Variants in MOXD1 observed in about 807,000 individuals in gnomAD.
MOXD1 encodes the protein DBH-like monooxygenase protein 1.
In MOXD1, 62 loss-of-function variants were observed where a neutral mutation model predicts 66.6. The observed-to-expected ratio is 0.93, with a 90% confidence interval of 0.76 to 1.15. The LOEUF (loss-of-function observed/expected upper bound fraction) is 1.15. Among genes scored for constraint, MOXD1 ranks in the 50% most tolerant of loss-of-function variants. MOXD1 has a pLI of 0.00. For synonymous variants in MOXD1, 303 were observed against 281.9 expected (o/e 1.07, Z -0.75); for missense variants, 847 against 754.6 (o/e 1.12, Z -1.44).
intron 1 of MOXD1, among the ~76,000 whole-genome samples, chr6:132,399,868 T>G (rs1337703090): frequency 6.6e-6 from 1 of 152,202 alleles, no homozygotes; most frequent in Non-Finnish European, 1.5e-5. Flanking sequence ...GGCCTGCATT[T>G]GTGGTCAAAT....
intron 4 of MOXD1, among the ~76,000 whole-genome samples, chr6:132,336,108 G>T (rs944536916): frequency 6.6e-6 from 1 of 152,112 alleles, no homozygotes; most frequent in South Asian, 2.1e-4. Flanking sequence ...ATGAGAGGAC[G>T]AGTGGAACAC....
In MOXD1 at chr6:132,359,305, T is replaced by C. The variant is rs573686593; in HGVS notation, c.663+13303A>G. Among the ~76,000 whole-genome samples, 47 of 152,110 alleles carry C rather than the reference T, an allele frequency of 3.1e-4. No individual in the cohort carries two copies. The South Asian group carries it at 6.9e-3, about 22-fold the overall frequency. On this transcript the variant is annotated intron_variant, in intron 4 of 11. Coordinates refer to ENST00000367963, the MANE Select transcript of MOXD1 (RefSeq NM_015529.4). ...CTTTAGAGACAAGAACTCCCTCCAT[T>C]ACCCAGGGTGGTCTCGAATTCTCCT... is the stretch of plus-strand genomic sequence containing the variant.
intron 4 of MOXD1, among the ~76,000 whole-genome samples, chr6:132,331,309 T>A (rs762901595): frequency 6.6e-6 from 1 of 152,326 alleles, no homozygotes; most frequent in Non-Finnish European, 1.5e-5. Flanking sequence ...TACTGAGCTC[T>A]GTAAGGTAGA....
rs1775139055 is a variant in MOXD1 at position 132,324,104 on chromosome 6, C to T, written c.947-7G>A. The T allele has an allele frequency of 6.2e-7, 1 of 1,607,494 alleles. No homozygotes were observed. The highest frequency in any genetic ancestry group is 8.5e-7 in the Non-Finnish European group (1 of 1,177,472). On this transcript the variant is annotated splice_region_variant and splice_polypyrimidine_tract_variant and intron_variant, in intron 6 of 11. Transcript: ENST00000367963. ...CCAGAATTATCTATTAAGCCTAGAA[C>T]AAAAGCACATAATTAAAGTGATTTT...
intron 4 of MOXD1, among the ~76,000 whole-genome samples, chr6:132,369,064 T>C (rs1380048827): frequency 2.6e-5 from 4 of 152,106 alleles, no homozygotes; most frequent in Non-Finnish European, 5.9e-5. Context: ...TGATGCGAGA[T>C]GATACAATCC....
chr6:132,331,813 T>C (rs1237620340), intron 4 of MOXD1, among the ~76,000 whole-genome samples: 2 of 152,112 alleles, frequency 1.3e-5, no homozygotes, highest in South Asian at 2.1e-4. Flanking sequence ...CTACACATTA[T>C]TGTAGGAAGC....
intron 4 of MOXD1, among the ~76,000 whole-genome samples, chr6:132,334,274 C>G: frequency 6.6e-6 from 1 of 152,202 alleles, no homozygotes; most frequent in Non-Finnish European, 1.5e-5. Flanking sequence ...TATACTGCAT[C>G]CCACTTCAGC....
chr6:132,396,249 T>C (rs542620158), intron 1 of MOXD1, among the ~76,000 whole-genome samples: 1 of 152,002 alleles, frequency 6.6e-6, no homozygotes, highest in African/African-American at 2.4e-5. Flanking sequence ...CTTTGGAAAC[T>C]GCACAAATAC....
chr6:132,340,636 T>C (rs1775533940), intron 4 of MOXD1, among the ~76,000 whole-genome samples: 3 of 114,904 alleles, frequency 2.6e-5, no homozygotes, highest in South Asian at 2.9e-4. Flanking sequence ...ACAACAAGAC[T>C]CATTTTTTTT....
At chr6:132,314,376 T>C (rs1774895539) in intron 10 of MOXD1, among the ~76,000 whole-genome samples, 1 of 152,230 alleles carries the variant, frequency 6.6e-6, no homozygotes, top group Admixed American at 6.5e-5. Flanking sequence ...TGATATTCCT[T>C]CCAGTCTAGC....
chr6:132,368,586 A>C (rs1776194740), intron 4 of MOXD1, among the ~76,000 whole-genome samples: 1 of 152,078 alleles, frequency 6.6e-6, no homozygotes, highest in Non-Finnish European at 1.5e-5. Context: ...AGATAAAATC[A>C]TTTATGTTTA....
chr6:132,362,373 C>G lies in MOXD1; in HGVS notation c.663+10235G>C, dbSNP rs1417780784. ...CTTCTCAGTTATACAGATTTATAGT[C>G]TTTGAGTTGTTATTAACATGAATTT... On this transcript the variant is annotated intron_variant, in intron 4 of 11. Transcript: ENST00000367963. Among the ~76,000 whole-genome samples the G allele has an allele frequency of 5.3e-5, 8 of 152,132 alleles. No individual in the cohort carries two copies. In the South Asian group the frequency reaches 1.7e-3, roughly 32 times the overall value.
At chr6:132,370,436 GTTTT>G (rs1395019983) in intron 4 of MOXD1, among the ~76,000 whole-genome samples, 1 of 151,912 alleles carries the variant, frequency 6.6e-6, no homozygotes, top group Admixed American at 6.6e-5. Flanking sequence ...TTTCAGTAGA[GTTTT>G]CTTTATTTTT....
intron 10 of MOXD1, among the ~76,000 whole-genome samples, chr6:132,309,125 C>G (rs1346010369): frequency 6.6e-6 from 1 of 152,128 alleles, no homozygotes; most frequent in East Asian, 1.9e-4. Flanking sequence ...AAAACCCCAT[C>G]ATCTCAGCCC....
Position 132,391,489 on chromosome 6 carries a change from G to T in MOXD1, c.264+9674C>A, listed in dbSNP as rs577790936. On this transcript the variant is annotated intron_variant, in intron 1 of 11. Coordinates refer to ENST00000367963, the MANE Select transcript of MOXD1 (RefSeq NM_015529.4). Reference sequence around the variant, plus strand: ...AAGTTAAAAAGAAATAGATTTAGAAGAAGCTTCCTGGAGAAATGTTTTTCC... The same window carrying T: ...AAGTTAAAAAGAAATAGATTTAGAATAAGCTTCCTGGAGAAATGTTTTTCC... The T allele has an allele frequency of 2.6e-5, 4 of 152,108 alleles. No individual in the cohort carries two copies. In the South Asian group the frequency reaches 8.3e-4, roughly 32 times the overall value. 9.4% of individuals were successfully genotyped at this position (152,108 alleles called of 1,614,324 possible). A position where few individuals can be genotyped will look rare whatever the true frequency, so the allele number is the denominator to read the frequency against.
At chr6:132,355,276 C>A (rs545391401) in intron 4 of MOXD1, among the ~76,000 whole-genome samples, 43 of 152,180 alleles carry the variant, frequency 2.8e-4, no homozygotes, top group African/African-American at 1.0e-3. Context: ...CCTGTGGTAC[C>A]AAGCAGGGAT....
chr6:132,318,166 T>C (rs1774998859), intron 9 of MOXD1, among the ~76,000 whole-genome samples: 1 of 152,046 alleles, frequency 6.6e-6, no homozygotes, highest in Non-Finnish European at 1.5e-5. Context: ...TATGAATAGT[T>C]TACATATTTC....
At chr6:132,344,579 C>A (rs1488869999) in intron 4 of MOXD1, among the ~76,000 whole-genome samples, 1 of 152,152 alleles carries the variant, frequency 6.6e-6, no homozygotes, top group Non-Finnish European at 1.5e-5. Flanking sequence ...ACCTCTGTTC[C>A]CATTTGGCGC....
intron 4 of MOXD1, among the ~76,000 whole-genome samples, chr6:132,351,366 G>C (rs1400900814): frequency 1.3e-5 from 2 of 152,182 alleles, no homozygotes; most frequent in East Asian, 3.9e-4. Flanking sequence ...GCCAGATTTT[G>C]TTGGATGCTT....
Sources: allele counts gnomAD v4.1 joint callset (sites outside exome capture counted in the v4.1 genomes callset), GRCh38; gene constraint gnomAD v4.1.1; transcripts MANE v1.5; gene names NCBI Gene and HGNC (gene_info 2026-07-23, HGNC 2026-07-21).